The following TTC6 variants were observed in gnomAD, a reference collection of about 807,000 sequenced individuals.
TTC6 encodes the protein tetratricopeptide repeat domain 6, also known as tetratricopeptide repeat protein 6.
In TTC6, 172 loss-of-function variants were observed where a neutral mutation model predicts 210.4. That is an observed-to-expected ratio of 0.82 (90% CI 0.72 to 0.93). TTC6 has a LOEUF of 0.93. TTC6 is among the 40% of genes least tolerant of loss of function. The pLI is 0.00. For missense variants in TTC6, 2,414 were observed against 2,318.1 expected (o/e 1.04, Z -0.85); for synonymous variants, 804 against 819.6 (o/e 0.98, Z 0.32).
At chr14:37,830,420 C>T (rs540214604) in intron 29 of TTC6, among the ~76,000 whole-genome samples, 21 of 151,478 alleles carry the variant, frequency 1.4e-4, no homozygotes, top group East Asian at 3.9e-4. Flanking sequence ...TTTTCTGTTT[C>T]ATTGTTCTGA....
At chr14:37,618,831 G>A (rs2095646756), upstream of TTC6, among the ~76,000 whole-genome samples, 1 of 152,198 alleles carries the variant, frequency 6.6e-6, no homozygotes. Flanking sequence ...ATGAACACTT[G>A]TTAAACTTCA....
intron 1 of TTC6, among the ~76,000 whole-genome samples, chr14:37,646,363 C>T (rs748022018): frequency 6.6e-6 from 1 of 152,144 alleles, no homozygotes; most frequent in Non-Finnish European, 1.5e-5. Context: ...CCAAACATCT[C>T]TCCCATCCTG....
intron 7 of TTC6, among the ~76,000 whole-genome samples, chr14:37,726,639 A>T (rs1047159797): frequency 2.0e-5 from 3 of 151,920 alleles, no homozygotes. Context: ...GCATTTCATC[A>T]TTTTTAATAT....
rs945174807 is a variant in TTC6, at chr14:37,752,875, G to A, written c.3130-224G>A. Among the ~76,000 whole-genome samples the A allele has an allele frequency of 4.0e-5, 6 of 151,114 alleles. No homozygotes were observed. The South Asian group carries it at 1.0e-3, about 26-fold the overall frequency. On this transcript the variant is annotated intron_variant, in intron 13 of 30. Transcript: ENST00000553443. The stretch of plus-strand genomic sequence containing the variant: ...GAAGCCTGGGCTTCCTGTATATGCC[G>A]GTTTTTTTTTTCTCTTAAAAAATAC...
intron 12 of TTC6, among the ~76,000 whole-genome samples, chr14:37,750,735 C>G (rs1215449838): frequency 6.6e-6 from 1 of 151,718 alleles, no homozygotes; most frequent in African/African-American, 2.4e-5. Flanking sequence ...AAAAAAAATA[C>G]AAAAATTAGC....
rs1310690473 is a variant in TTC6, at chr14:37,625,543, C to G, written c.939+2540C>G. Among the ~76,000 whole-genome samples the G allele has an allele frequency of 6.4e-5, 8 of 125,804 alleles. No homozygotes were observed. The East Asian group carries it at 1.8e-3, about 29-fold the overall frequency. 82.5% of individuals were successfully genotyped at this position (125,804 alleles called of 152,430 possible). ...AGCCTGGGGGACAAGAGCGAGACTTCGTCTAAAAAAAAAAAAAAAAGAATG... is the reference window on the plus strand; with the variant it reads ...AGCCTGGGGGACAAGAGCGAGACTTGGTCTAAAAAAAAAAAAAAAAGAATG... On this transcript the variant is annotated intron_variant, in intron 1 of 30. Coordinates refer to ENST00000553443, the Ensembl canonical transcript of TTC6.
upstream of TTC6, among the ~76,000 whole-genome samples, chr14:37,620,058 CTAGA>C (rs2095648851): frequency 6.6e-6 from 1 of 151,884 alleles, no homozygotes; most frequent in South Asian, 2.1e-4. Flanking sequence ...AGGTTTATGC[CTAGA>C]TACTTACTTT....
At chr14:37,753,286 A>G in intron 14 of TTC6, 51 bp downstream of exon 16, 17 of 1,421,900 alleles carry the variant, frequency 1.2e-5, no homozygotes, top group Non-Finnish European at 1.6e-5. Flanking sequence ...TATTTGAAAT[A>G]CATTTTCAGA....
intron 1 of TTC6, among the ~76,000 whole-genome samples, chr14:37,630,996 A>G (rs1595036100): frequency 1.6e-5 from 2 of 125,140 alleles, no homozygotes; most frequent in Non-Finnish European, 1.6e-5. Context: ...TTTTGAGCCT[A>G]TATGTGTCTT....
chr14:37,613,066 T>G (rs1259492225), intron 2 of TTC6, among the ~76,000 whole-genome samples: 5 of 152,156 alleles, frequency 3.3e-5, no homozygotes, highest in African/African-American at 1.2e-4. Context: ...GTTTCCAATT[T>G]TAGGGGGAAA....
rs1595139804 is a variant in TTC6 at position 37,713,675 on chromosome 14, A to T, written c.1572-980A>T. ...TCTCTTTGAATTCAGGTATTTTAGT[A>T]GGTAAGATAGGAAGCTTTTATTCAT... On this transcript the variant is annotated intron_variant, in intron 5 of 30. Transcript: ENST00000553443. 3.9e-5 allele frequency among the ~76,000 whole-genome samples: 6 copies of T among 152,306 alleles called. No homozygotes were observed. The South Asian group carries it at 1.2e-3, about 32-fold the overall frequency.
At chr14:37,680,329 G>A in intron 2 of TTC6, 68 bp downstream of exon 4, 1 of 1,038,732 alleles carries the variant, frequency 9.6e-7, no homozygotes, top group Non-Finnish European at 1.4e-6. Context: ...TTGCTTGAAT[G>A]TTTATATAGA....
At chr14:37,654,869 A>G (rs1048862220) in intron 1 of TTC6, among the ~76,000 whole-genome samples, 18 of 152,166 alleles carry the variant, frequency 1.2e-4, no homozygotes, top group African/African-American at 3.9e-4. Flanking sequence ...TGAATCTTTG[A>G]AAACTGTGGT....
chr14:37,678,472 T>C (rs972632046), intron 1 of TTC6, among the ~76,000 whole-genome samples: 1 of 152,178 alleles, frequency 6.6e-6, no homozygotes, highest in African/African-American at 2.4e-5. Flanking sequence ...TCAAGGACCC[T>C]ATGCCGATTT....
chr14:37,805,856 G>A (rs11849680), intron 21 of TTC6, among the ~76,000 whole-genome samples: 3,022 of 151,888 alleles, frequency 0.02, 95 homozygotes, highest in African/African-American at 0.069. Context: ...TCACGCCACC[G>A]CACCTGGCTA....
rs781006397 is a variant in TTC6 at position 37,826,354 on chromosome 14, A to T, written c.5127+7A>T. On this transcript the variant is annotated splice_region_variant and intron_variant, in intron 28 of 30. Coordinates refer to ENST00000553443, the Ensembl canonical transcript of TTC6. Reference sequence around the variant, plus strand: ...TATTAATGCTGCCATGAAGGTAAAAACCATCTTAGATTATATTATTATTAG... The same window carrying T: ...TATTAATGCTGCCATGAAGGTAAAATCCATCTTAGATTATATTATTATTAG... The T allele has an allele frequency of 1.3e-5, 20 of 1,591,744 alleles. No individual in the cohort carries two copies. The East Asian group carries it at 2.7e-4, about 21-fold the overall frequency.
At chr14:37,663,359 A>T (rs2095741262) in intron 1 of TTC6, among the ~76,000 whole-genome samples, 1 of 152,132 alleles carries the variant, frequency 6.6e-6, no homozygotes, top group Non-Finnish European at 1.5e-5. Context: ...TCATTTTTGA[A>T]ATGTATACAA....
intron 29 of TTC6, among the ~76,000 whole-genome samples, chr14:37,835,835 C>T (rs564173442): frequency 6.6e-6 from 1 of 152,262 alleles, no homozygotes; most frequent in East Asian, 1.9e-4. Context: ...ATATAATTCT[C>T]TCTATACGGA....
chr14:37,704,944 G>A (rs541983021), intron 5 of TTC6, among the ~76,000 whole-genome samples: 1 of 152,080 alleles, frequency 6.6e-6, no homozygotes, highest in South Asian at 2.1e-4. Context: ...GATTTGAAAT[G>A]CTAACTTTCA....
Sources: gnomAD v4.1 joint callset for allele counts (sites outside exome capture counted in the v4.1 genomes callset) on GRCh38, gnomAD v4.1.1 for gene constraint, MANE v1.5 for transcripts, NCBI Gene and HGNC (gene_info 2026-07-23, HGNC 2026-07-21) for gene names.